The following UTP20 variants were observed in gnomAD, a reference collection of about 807,000 sequenced individuals.
UTP20 encodes UTP20 small subunit processome component.
In UTP20, 164 loss-of-function variants were observed where a neutral mutation model predicts 329.5. The observed-to-expected ratio is 0.50, with a 90% CI of 0.44 to 0.57. The LOEUF is 0.57. Among genes scored for constraint, UTP20 ranks in the 20% least tolerant of loss-of-function variants. The pLI, the probability that UTP20 is intolerant of heterozygous loss-of-function variation, is 0.00. For missense variants in UTP20, 3,055 were observed against 3,284.2 expected (o/e 0.93, Z 1.71); for synonymous variants, 1,151 against 1,159.3 (o/e 0.99, Z 0.14).
At position 101,286,488 on chromosome 12, in the gene UTP20, A is replaced by C; in HGVS notation, c.494A>C (p.Lys165Thr). 1 of 1,612,736 alleles carries C rather than the reference A, an allele frequency of 6.2e-7. No individual in the cohort carries two copies. The highest frequency in any genetic ancestry group is 8.5e-7 in the Non-Finnish European group (1 of 1,179,312). Residue 165 changes from lysine to threonine, a missense_variant, in exon 5 of 62, where the codon AAG becomes ACG. Lys to Thr is a moderately conservative substitution (Grantham distance 78, BLOSUM62 -1). Transcript: ENST00000261637. ...LYKYLWRLMVKDMSSIYSMYS... is the reference protein window; with the variant it reads ...LYKYLWRLMVTDMSSIYSMYS... The stretch of plus-strand genomic sequence containing the variant: ...AAGTACCTGTGGAGACTGATGGTGA[A>C]GGACATGTCCAGTATATACAGGTAA...
intron 32 of UTP20, among the ~76,000 whole-genome samples, chr12:101,340,977 T>G (rs1869109850): frequency 1.7e-5 from 1 of 57,688 alleles, no homozygotes; most frequent in African/African-American, 1.2e-4. Flanking sequence ...TTTTTTTTTT[T>G]TTTTTTTTTT....
Position 101,319,649 on chromosome 12 carries a change from A to G in UTP20, c.2829+14A>G, listed in dbSNP as rs903943244. 1.3e-6 allele frequency: 2 copies of G among 1,572,070 alleles called. No homozygotes were observed. The highest frequency in any genetic ancestry group is 2.7e-5 in the African/African-American group (2 of 72,952). On this transcript the variant is annotated intron_variant, in intron 23 of 61. Transcript: ENST00000261637. The stretch of plus-strand genomic sequence containing the variant: ...TTATATCTTCAGGTCAGTAAAATAA[A>G]CTCTTGGCATTATAATTCTTTGTGA...
intron 41 of UTP20, among the ~76,000 whole-genome samples, chr12:101,355,646 C>T (rs995938584): frequency 3.3e-5 from 5 of 152,122 alleles, no homozygotes; most frequent in Admixed American, 6.6e-5. Flanking sequence ...GTGTTTAGTA[C>T]TGCCTTTTCA....
rs776540113 is a variant in UTP20 at position 101,333,455 on chromosome 12, A to G, written c.3561+11A>G. The G allele has an allele frequency of 5.6e-6, 9 of 1,612,100 alleles. No homozygotes were observed. The highest frequency in any genetic ancestry group is 4.0e-5 in the African/African-American group (3 of 74,790). ...GCAGTTTGGCCCCAGGTAAACCTCA[A>G]TTTCTACATCTGCCTATGTACGTTC... On this transcript the variant is annotated intron_variant, in intron 28 of 61. Coordinates refer to ENST00000261637, the MANE Select transcript of UTP20 (RefSeq NM_014503.3).
At chr12:101,350,425 G>A (rs1168354517) in intron 38 of UTP20, among the ~76,000 whole-genome samples, 1 of 152,166 alleles carries the variant, frequency 6.6e-6, no homozygotes, top group East Asian at 1.9e-4. Flanking sequence ...CCAAGTAGCT[G>A]GGACTACAGG....
chr12:101,382,489 AG>A lies in UTP20; in HGVS notation c.7657-549del, dbSNP rs1392275323. Among the ~76,000 whole-genome samples the A allele has an allele frequency of 2.0e-5, 3 of 152,224 alleles. 1 individual carries two copies. Among genetic ancestry groups the A allele is most frequent in the Admixed American group, 6.5e-5 (1 of 15,274 alleles). ...GTTTCCTTATTCTGTGTGACTTTAAAGGGTAGAACTAGTCCAGATAGATCAA... is the reference window on the plus strand; with the variant it reads ...GTTTCCTTATTCTGTGTGACTTTAAAGGTAGAACTAGTCCAGATAGATCAA... On this transcript the variant is annotated intron_variant, in intron 58 of 61. Transcript: ENST00000261637.
intron 10 of UTP20, 124 bp from the exon 11 acceptor site, chr12:101,293,044 G>T (rs921988591): frequency 3.3e-6 from 3 of 897,100 alleles, no homozygotes; most frequent in Admixed American, 2.3e-5. Context: ...TTTGGAGAAG[G>T]CCGGGCAACT....
chr12:101,292,202 C>T, intron 10 of UTP20, 98 bp downstream of exon 10: 1 of 1,309,424 alleles, frequency 7.6e-7, no homozygotes, highest in Non-Finnish European at 1.0e-6. Flanking sequence ...AAAGGCTCTG[C>T]CCTCAAGGAA....
At chr12:101,359,464 G>GTTGTGTGT (rs879349586) in intron 43 of UTP20, among the ~76,000 whole-genome samples, 1 of 120,366 alleles carries the variant, frequency 8.3e-6, no homozygotes, top group Non-Finnish European at 1.5e-5. Context: ...GGTTCCTGAG[G>GTTGTGTGT]CTGTGTGTGT....
intron 43 of UTP20, among the ~76,000 whole-genome samples, chr12:101,359,204 C>T (rs1487653766): frequency 6.6e-6 from 1 of 152,108 alleles, no homozygotes; most frequent in Non-Finnish European, 1.5e-5. Flanking sequence ...GCTGGGATTA[C>T]AGGCATGAGC....
intron 28 of UTP20, among the ~76,000 whole-genome samples, chr12:101,333,804 C>T (rs1868840290): frequency 6.6e-6 from 1 of 152,208 alleles, no homozygotes; most frequent in East Asian, 1.9e-4. Flanking sequence ...GCTGGGATTA[C>T]AGCCATGCAC....
Position 101,280,136 on chromosome 12 carries a change from G to A in UTP20, c.-147G>A. On this transcript the variant is annotated 5_prime_UTR_variant, in exon 1 of 62. Transcript: ENST00000261637. The stretch of plus-strand genomic sequence containing the variant: ...GCTCCTCCTTGTCTCCAACATGGCG[G>A]CGCCCAGGGGCTCAAGCCGCACGTG... 2.0e-6 allele frequency: 2 copies of A among 1,018,212 alleles called. No homozygotes were observed. Among genetic ancestry groups the A allele is most frequent in the Non-Finnish European group, 2.8e-6 (2 of 706,920 alleles). 63.1% of individuals were successfully genotyped at this position (1,018,212 alleles called of 1,614,324 possible). A position where few individuals can be genotyped will look rare whatever the true frequency, so the allele number is the denominator to read the frequency against.
At chr12:101,362,341 A>T (rs1261085481) in intron 44 of UTP20, among the ~76,000 whole-genome samples, 1 of 152,176 alleles carries the variant, frequency 6.6e-6, no homozygotes, top group African/African-American at 2.4e-5. Flanking sequence ...ACATCTAAGA[A>T]TCTATTTTTA....
chr12:101,319,630 C>T lies in UTP20; in HGVS notation c.2824C>T (p.Leu942Phe). ...GGAATCCAAACTATATGAGTTATAT[C>T]TTCAGGTCAGTAAAATAAACTCTTG... ...YLESKLYELY[L>F]QLLLHQDQMV... Residue 942 changes from leucine to phenylalanine, a missense_variant, in exon 23 of 62, where the codon CTT becomes TTT. By Grantham distance (22) the Leu-to-Phe change is conservative. Around this residue, in one of 3 missense-constraint regions of UTP20, gnomAD observed 2,445 missense variants for 2,575.5 expected, o/e 0.95. Transcript: ENST00000261637. 6.3e-7 allele frequency: 1 copy of T among 1,595,764 alleles called. No individual in the cohort carries two copies. Among genetic ancestry groups the T allele is most frequent in the Non-Finnish European group, 8.5e-7 (1 of 1,175,250 alleles).
intron 19 of UTP20, among the ~76,000 whole-genome samples, chr12:101,310,597 A>AAG (rs1380114662): frequency 1.8e-4 from 27 of 150,462 alleles, no homozygotes; most frequent in African/African-American, 4.6e-4. Context: ...AAAAAAAAAA[A>AAG]ATACATGTTA....
rs758097426 is a variant in UTP20 at position 101,365,543 on chromosome 12, C to T, written c.6043C>T (p.Gln2015Ter). ...RRITVGLIVNQEMTAESILLL... is the reference protein window; with the variant it reads ...RRITVGLIVN ...AATCACAGTGGGATTAATTGTAAAT[C>T]AGGAAATGACAGCTGAATCCATTCT... Residue 2015 changes from glutamine (Q) to a stop codon, truncating the protein, a stop_gained, in exon 46 of 62, where the codon CAG becomes TAG. Coordinates refer to ENST00000261637, the MANE Select transcript of UTP20 (RefSeq NM_014503.3). LOFTEE classifies it high-confidence loss of function. The T allele has an allele frequency of 6.2e-7, 1 of 1,612,942 alleles. No individual in the cohort carries two copies. Among genetic ancestry groups the T allele is most frequent in the South Asian group, 1.1e-5 (1 of 90,802 alleles).
intron 22 of UTP20, among the ~76,000 whole-genome samples, chr12:101,318,956 G>A (rs563102047): frequency 7.9e-5 from 12 of 152,194 alleles, no homozygotes; most frequent in African/African-American, 2.9e-4. Flanking sequence ...CACAGGGGCA[G>A]GAAAGATTAT....
At chr12:101,352,253 TA>T (rs1233193124) in intron 39 of UTP20, 59 bp downstream of exon 39, 3 of 1,529,100 alleles carry the variant, frequency 2.0e-6, no homozygotes, top group Non-Finnish European at 8.9e-7. Flanking sequence ...GGCTGCATAG[TA>T]TTCCATGGTA....
At position 101,383,061 on chromosome 12, in the gene UTP20, C is replaced by T. The variant is rs138979987; in HGVS notation, c.7677C>T (p.Phe2559=). Residue 2559 remains phenylalanine, a synonymous_variant, in exon 59 of 62, where the codon TTC becomes TTT. Transcript: ENST00000261637. ...TAAAGGTTGTTAAGAATTTGTTGTT[C>T]GCAGCCAAAGTCTTGTATTTACTGG... ...LGEQVVKNLL[F]AAKVLYLLEL... The T allele has an allele frequency of 5.2e-5, 82 of 1,583,806 alleles. No homozygotes were observed. Among genetic ancestry groups the T allele is most frequent in the Middle Eastern group, 3.5e-4 (2 of 5,752 alleles).
Sources: allele counts gnomAD v4.1 joint callset (sites outside exome capture counted in the v4.1 genomes callset), GRCh38; gene constraint gnomAD v4.1.1; regional missense constraint gnomAD v4.1.1; transcripts MANE v1.5; gene names NCBI Gene and HGNC (gene_info 2026-07-23, HGNC 2026-07-21).